Variants in LYRM4 observed in about 807,000 individuals in gnomAD.
LYRM4 encodes LYR motif-containing protein 4.
In LYRM4, 9 loss-of-function variants were observed where a neutral mutation model predicts 11.7. The observed-to-expected ratio is 0.77, with a 90% CI of 0.46 to 1.34. LYRM4 has a LOEUF of 1.34. LYRM4 is among the 40% of genes most tolerant of loss of function. The pLI is 0.00. For missense variants in LYRM4, 133 were observed against 112.5 expected, an observed-to-expected ratio of 1.18 and a Z score of -0.82; for synonymous variants, 42 against 40.4, an observed-to-expected ratio of 1.04 and a Z score of -0.15.
chr6:5,234,008 C>T lies in LYRM4; in HGVS notation c.87-17270G>A, dbSNP rs549285698. On this transcript the variant is annotated intron_variant, in intron 1 of 2. Transcript: ENST00000330636. ...GCCTGCCCTTTCACCCCCTCCTCCC[C>T]AACAACTACAACTAATCATTTCATT... Among the ~76,000 whole-genome samples, 7 of 152,324 alleles carry T rather than the reference C, an allele frequency of 4.6e-5. No homozygotes were observed. The South Asian group carries it at 1.0e-3, about 23-fold the overall frequency.
At chr6:5,176,066 A>AGTTT (rs140512571) in intron 2 of LYRM4, among the ~76,000 whole-genome samples, 21 of 147,282 alleles carry the variant, frequency 1.4e-4, no homozygotes, top group African/African-American at 3.3e-4. Context: ...TTACGCTATT[A>AGTTT]ATTTTTTTTT....
intron 1 of LYRM4, among the ~76,000 whole-genome samples, chr6:5,235,330 AAAAC>A (rs532806207): frequency 3.3e-5 from 5 of 152,184 alleles, no homozygotes; most frequent in Admixed American, 6.5e-5. Flanking sequence ...TTATTTAATT[AAAAC>A]AAACAAACAA....
chr6:5,163,120 C>G (rs1015996968), intron 2 of LYRM4, among the ~76,000 whole-genome samples: 1 of 152,116 alleles, frequency 6.6e-6, no homozygotes, highest in Non-Finnish European at 1.5e-5. Context: ...ATGGTTCACT[C>G]TTTTGTGTCC....
the LYRM4 span, chr6:5,066,692 G>C: frequency 4.4e-6 from 4 of 918,550 alleles, no homozygotes; most frequent in South Asian, 4.1e-5. Flanking sequence ...GCAGCAATAG[G>C]TGTGGAGGTC....
chr6:5,063,867 G>A, the LYRM4 span, among the ~76,000 whole-genome samples: 1 of 152,194 alleles, frequency 6.6e-6, no homozygotes, highest in South Asian at 2.1e-4. Context: ...TCGGGAACCT[G>A]CCCCAGAAAG....
intron 2 of LYRM4, among the ~76,000 whole-genome samples, chr6:5,165,285 T>C (rs1759013434): frequency 6.6e-6 from 1 of 152,174 alleles, no homozygotes; most frequent in Non-Finnish European, 1.5e-5. Flanking sequence ...TGGACACAAG[T>C]GTATATCTGT....
In LYRM4 at chr6:5,138,487, C is replaced by CAAAAAAA. The variant is rs765741377; in HGVS notation, c.208-29003_208-28997dup. Among the ~76,000 whole-genome samples, 341 of 49,710 alleles carry CAAAAAAA rather than the reference C, an allele frequency of 6.9e-3. 12 individuals carry two copies. The highest frequency in any genetic ancestry group is 8.2e-3 in the Non-Finnish European group (247 of 29,974). The allele number at this position is 49,710 out of a possible 152,430, so 32.6% of individuals were successfully genotyped here. ...GGCCAACAGAGTGAGACCCTGTCTC[C>CAAAAAAA]AAAAAAAAAAAAAAAAAAAAAAAAA... On this transcript the variant is annotated intron_variant, in intron 2 of 2. Coordinates refer to ENST00000330636, the MANE Select transcript of LYRM4 (RefSeq NM_020408.6).
intron 2 of LYRM4, among the ~76,000 whole-genome samples, chr6:5,116,953 T>C (rs1191163888): frequency 1.3e-5 from 2 of 152,118 alleles, no homozygotes; most frequent in Non-Finnish European, 2.9e-5. Flanking sequence ...CTGATGGGGG[T>C]CCCAGAAGCT....
the LYRM4 span, among the ~76,000 whole-genome samples, chr6:5,068,324 A>T: frequency 6.6e-6 from 1 of 152,362 alleles, no homozygotes; most frequent in East Asian, 1.9e-4. The surrounding 1 kb of genome is among the most constrained non-coding windows in gnomAD (Gnocchi z 4.0). Context: ...AGCCAGACAC[A>T]GTCAGGACTT....
Position 5,160,731 on chromosome 6 carries a change from T to C in LYRM4, c.208-51240A>G, listed in dbSNP as rs368262645. Among the ~76,000 whole-genome samples the C allele has an allele frequency of 2.8e-4, 42 of 152,202 alleles. No individual in the cohort carries two copies. The South Asian group carries it at 7.9e-3, about 29-fold the overall frequency. ...AGTTACTCAGTCTTGGGCATGTCTT[T>C]ATTATGAAAATGAACTAATACACCA... On this transcript the variant is annotated intron_variant, in intron 2 of 2. Transcript: ENST00000330636.
At chr6:5,172,803 T>C (rs1157796742) in intron 2 of LYRM4, among the ~76,000 whole-genome samples, 1 of 152,206 alleles carries the variant, frequency 6.6e-6, no homozygotes, top group Admixed American at 6.5e-5. Flanking sequence ...TCAGAAATAC[T>C]AATTTTATTC....
At chr6:5,209,508 G>C (rs956829734) in intron 2 of LYRM4, among the ~76,000 whole-genome samples, 1 of 152,178 alleles carries the variant, frequency 6.6e-6, no homozygotes, top group African/African-American at 2.4e-5. Context: ...AGGTATAGGG[G>C]AAAGTGCTGC....
At chr6:5,224,886 G>A (rs1317823601) in intron 1 of LYRM4, among the ~76,000 whole-genome samples, 3 of 152,080 alleles carry the variant, frequency 2.0e-5, no homozygotes, top group Admixed American at 1.3e-4. Context: ...CTTGAACCTC[G>A]GAGGCGAAGG....
chr6:5,054,105 C>T, the LYRM4 span: 6 of 985,572 alleles, frequency 6.1e-6, no homozygotes, highest in Non-Finnish European at 7.2e-6. Context: ...CGCCAGATGC[C>T]TCTGTCCTCA....
intron 2 of LYRM4, among the ~76,000 whole-genome samples, chr6:5,173,575 T>C (rs1418542229): frequency 2.0e-5 from 3 of 152,264 alleles, no homozygotes; most frequent in African/African-American, 7.2e-5. Context: ...AATGATATCC[T>C]ACATTAACAC....
At chr6:5,153,913 T>C (rs778821092) in intron 2 of LYRM4, among the ~76,000 whole-genome samples, 1 of 152,084 alleles carries the variant, frequency 6.6e-6, no homozygotes, top group East Asian at 1.9e-4. Flanking sequence ...AAATGCTAAA[T>C]TGCAGCAATA....
intron 1 of LYRM4, among the ~76,000 whole-genome samples, chr6:5,247,210 C>T (rs1453869345): frequency 1.3e-5 from 2 of 152,186 alleles, no homozygotes; most frequent in South Asian, 2.1e-4. Context: ...GCATGCTATG[C>T]TCACTATGTT....
At chr6:5,040,150 C>G in the LYRM4 span, among the ~76,000 whole-genome samples, 1 of 152,034 alleles carries the variant, frequency 6.6e-6, no homozygotes, top group Non-Finnish European at 1.5e-5. Context: ...GACCCCATCT[C>G]TACAAAAAAT....
At chr6:5,161,411 GT>G (rs1235076248) in intron 2 of LYRM4, among the ~76,000 whole-genome samples, 1 of 152,150 alleles carries the variant, frequency 6.6e-6, no homozygotes, top group African/African-American at 2.4e-5. Context: ...TATATAACCT[GT>G]TTTCTTGAAC....
Sources: allele counts gnomAD v4.1 joint callset (sites outside exome capture counted in the v4.1 genomes callset), GRCh38; gene constraint gnomAD v4.1.1; non-coding constraint Gnocchi (gnomAD v3.1); transcripts MANE v1.5; gene names NCBI Gene and HGNC (gene_info 2026-07-23, HGNC 2026-07-21).